Variants in GRIN2A observed in about 807,000 individuals in gnomAD.
GRIN2A encodes glutamate ionotropic receptor NMDA type subunit 2A, also known as glutamate receptor ionotropic, NMDA 2A.
GRIN2A carries 22 observed loss-of-function variants against 113.4 expected under a neutral mutation model. The ratio of observed to expected loss-of-function variants is 0.19; its 90% CI spans 0.14 to 0.28. GRIN2A has a LOEUF of 0.28. GRIN2A is among the 10% of genes least tolerant of loss of function. The pLI, the probability that GRIN2A is intolerant of heterozygous loss-of-function variation, is 1.00. For synonymous variants in GRIN2A, 827 were observed against 738.4 expected, an observed-to-expected ratio of 1.12 and a Z score of -1.94; for missense variants, 1,502 against 1,887.0, an observed-to-expected ratio of 0.80 and a Z score of 3.78.
chr16:9,783,822 T>A (rs981881), intron 11 of GRIN2A, among the ~76,000 whole-genome samples: 5 of 151,964 alleles, frequency 3.3e-5, no homozygotes, highest in African/African-American at 1.2e-4. Flanking sequence ...TTCTTAAACC[T>A]TATGGATGGA....
At chr16:9,847,375 A>G (rs1234631479) in intron 5 of GRIN2A, among the ~76,000 whole-genome samples, 1 of 152,028 alleles carries the variant, frequency 6.6e-6, no homozygotes, top group Non-Finnish European at 1.5e-5. Flanking sequence ...TGAGTAACAT[A>G]GCAAGACTCT....
rs532952674 is a variant in GRIN2A, at chr16:9,801,239, A to G, written c.2169-2775T>C. On this transcript the variant is annotated intron_variant, in intron 10 of 12. Transcript: ENST00000330684. The stretch of plus-strand genomic sequence containing the variant: ...GTTGGTCTCTTGATAAAGCTGAGAT[A>G]CTTGCAACGTCAATACTTCCCGTAT... Among the ~76,000 whole-genome samples the G allele has an allele frequency of 1.7e-4, 26 of 152,350 alleles. No homozygotes were observed. In the Middle Eastern group the frequency reaches 0.01, roughly 60 times the overall value.
chr16:10,032,492 T>C (rs900457017), intron 2 of GRIN2A, among the ~76,000 whole-genome samples: 1 of 152,198 alleles, frequency 6.6e-6, no homozygotes, highest in Admixed American at 6.5e-5. Flanking sequence ...CAGTATCTCA[T>C]TGAATCTTCT....
intron 2 of GRIN2A, among the ~76,000 whole-genome samples, chr16:10,154,560 G>A (rs924694405): frequency 1.3e-5 from 2 of 152,188 alleles, no homozygotes; most frequent in Non-Finnish European, 2.9e-5. Context: ...CCTGGGTAGA[G>A]GAGGCTCAGT....
At chr16:9,777,807 T>C (rs1214832781) in intron 11 of GRIN2A, among the ~76,000 whole-genome samples, 1 of 152,230 alleles carries the variant, frequency 6.6e-6, no homozygotes, top group Admixed American at 6.5e-5. Context: ...CTCACGCCTG[T>C]AATCCCAGCA....
intron 3 of GRIN2A, among the ~76,000 whole-genome samples, chr16:9,907,970 C>T (rs1423718248): frequency 1.3e-5 from 2 of 152,190 alleles, no homozygotes; most frequent in African/African-American, 2.4e-5. Flanking sequence ...CGGTCAGTGA[C>T]CATTTGCTGA....
At chr16:9,778,025 A>G (rs931688794) in intron 11 of GRIN2A, among the ~76,000 whole-genome samples, 3 of 152,226 alleles carry the variant, frequency 2.0e-5, no homozygotes, top group Non-Finnish European at 4.4e-5. Flanking sequence ...AGATCGCGCC[A>G]TTGCACTCCA....
chr16:10,118,763 G>C (rs1288998415), intron 2 of GRIN2A, among the ~76,000 whole-genome samples: 1 of 152,216 alleles, frequency 6.6e-6, no homozygotes, highest in Admixed American at 6.5e-5. Context: ...ACAGGATCCT[G>C]ATGGTAAATT....
chr16:10,106,940 A>C (rs1056105806), intron 2 of GRIN2A, among the ~76,000 whole-genome samples: 2 of 152,164 alleles, frequency 1.3e-5, no homozygotes, highest in Admixed American at 6.5e-5. Context: ...CTCCATTTTC[A>C]GAGGAAGAAA....
chr16:9,926,752 C>T (rs1313499205), intron 3 of GRIN2A, among the ~76,000 whole-genome samples: 1 of 152,152 alleles, frequency 6.6e-6, no homozygotes, highest in Non-Finnish European at 1.5e-5. Context: ...GTGTACTGCG[C>T]AGAGATGACA....
chr16:10,076,545 G>C (rs1305263470), intron 2 of GRIN2A, among the ~76,000 whole-genome samples: 5 of 152,154 alleles, frequency 3.3e-5, no homozygotes, highest in Non-Finnish European at 7.3e-5. Context: ...CCTCATCTAA[G>C]AGATGAGTTT....
At chr16:9,954,417 C>T (rs886483536) in intron 2 of GRIN2A, among the ~76,000 whole-genome samples, 6 of 152,176 alleles carry the variant, frequency 3.9e-5, no homozygotes, top group African/African-American at 1.2e-4. Context: ...AGCTCACACA[C>T]ATTGCATCAT....
chr16:10,098,156 G>A (rs1400188166), intron 2 of GRIN2A, among the ~76,000 whole-genome samples: 1 of 152,104 alleles, frequency 6.6e-6, no homozygotes, highest in Non-Finnish European at 1.5e-5. Flanking sequence ...GGCATGAACA[G>A]ATAGTTCTCA....
At chr16:9,809,833 TGAG>T (rs1395441957) in intron 10 of GRIN2A, among the ~76,000 whole-genome samples, 1 of 152,106 alleles carries the variant, frequency 6.6e-6, no homozygotes, top group East Asian at 1.9e-4. Context: ...TTTGGGAGGC[TGAG>T]GAGGGTGGAT....
intron 2 of GRIN2A, among the ~76,000 whole-genome samples, chr16:10,115,530 T>C (rs562123697): frequency 1.3e-5 from 2 of 152,320 alleles, no homozygotes; most frequent in Non-Finnish European, 2.9e-5. Context: ...CCATAAATCA[T>C]TATCTGAACC....
intron 3 of GRIN2A, among the ~76,000 whole-genome samples, chr16:9,893,355 G>T (rs1366583220): frequency 6.6e-6 from 1 of 152,196 alleles, no homozygotes; most frequent in Non-Finnish European, 1.5e-5. Flanking sequence ...TTAACAAACA[G>T]AAAACTAAAA....
chr16:10,160,422 C>G (rs999589699), intron 2 of GRIN2A, among the ~76,000 whole-genome samples: 5 of 152,162 alleles, frequency 3.3e-5, no homozygotes, highest in African/African-American at 9.7e-5. Context: ...TAAATTCCAC[C>G]CCAGCAAGTA....
intron 2 of GRIN2A, among the ~76,000 whole-genome samples, chr16:10,008,911 G>A (rs2046452796): frequency 6.6e-6 from 1 of 152,208 alleles, no homozygotes; most frequent in African/African-American, 2.4e-5. Context: ...ATAAAAAGTA[G>A]TATATTTATT....
chr16:9,842,861 G>A (rs1489420566), intron 5 of GRIN2A, among the ~76,000 whole-genome samples: 2 of 152,060 alleles, frequency 1.3e-5, no homozygotes, highest in Non-Finnish European at 2.9e-5. Flanking sequence ...AATCTGGGAG[G>A]TAGAGGTTGC....
Sources: gnomAD v4.1 joint callset for allele counts (sites outside exome capture counted in the v4.1 genomes callset) on GRCh38, gnomAD v4.1.1 for gene constraint, MANE v1.5 for transcripts, NCBI Gene and HGNC (gene_info 2026-07-23, HGNC 2026-07-21) for gene names.